Variants in VAV3 observed in about 807,000 individuals in gnomAD.
The protein encoded by VAV3 is guanine nucleotide exchange factor VAV3.
VAV3 carries 94 observed loss-of-function variants against 131.2 expected under a neutral mutation model. The ratio of observed to expected loss-of-function variants is 0.72; its 90% CI spans 0.61 to 0.85. The LOEUF (loss-of-function observed/expected upper bound fraction) is 0.85. Ranked by LOEUF, VAV3 falls within the 40% of genes least tolerant of loss-of-function variation. The probability of loss-of-function intolerance (pLI) is 0.00; values close to 1 mark genes in which losing one functional copy is unlikely to be tolerated. For missense variants in VAV3, 939 were observed against 1,002.7 expected (o/e 0.94, Z 0.86); for synonymous variants, 349 against 342.0 (o/e 1.02, Z -0.22).
At chr1:107,745,111 G>A (rs555936685) in intron 15 of VAV3, among the ~76,000 whole-genome samples, 5 of 152,096 alleles carry the variant, frequency 3.3e-5, no homozygotes, top group African/African-American at 9.6e-5. Flanking sequence ...GCATGATTAT[G>A]AAAACCAGTT....
At chr1:107,932,944 G>A (rs539482761) in intron 1 of VAV3, among the ~76,000 whole-genome samples, 1 of 152,328 alleles carries the variant, frequency 6.6e-6, no homozygotes, top group Admixed American at 6.5e-5. Context: ...TTGGCCTCCA[G>A]AGCTGTTAAA....
chr1:107,929,648 T>C (rs74491349), intron 1 of VAV3, among the ~76,000 whole-genome samples: 5,084 of 152,288 alleles, frequency 0.033, 118 homozygotes, highest in South Asian at 0.13. Flanking sequence ...CAATAAGATA[T>C]AAACAGAAAT....
At chr1:107,595,084 T>A (rs1462551048) in intron 25 of VAV3, among the ~76,000 whole-genome samples, 2 of 152,122 alleles carry the variant, frequency 1.3e-5, no homozygotes, top group Non-Finnish European at 2.9e-5. Flanking sequence ...TATTTGAGAA[T>A]CTAAAATAAT....
intron 17 of VAV3, among the ~76,000 whole-genome samples, chr1:107,700,359 T>C (rs563240926): frequency 1.3e-5 from 2 of 152,328 alleles, no homozygotes; most frequent in African/African-American, 4.8e-5. Flanking sequence ...GTTACATAGG[T>C]AAACGCGTGC....
At chr1:107,640,505 AC>A (rs1239524306) in intron 20 of VAV3, among the ~76,000 whole-genome samples, 5 of 152,202 alleles carry the variant, frequency 3.3e-5, no homozygotes, top group Admixed American at 3.3e-4. Flanking sequence ...TGGAGGGATT[AC>A]CAAGGGGCAC....
chr1:107,857,716 A>AG (rs1392216403), intron 2 of VAV3, among the ~76,000 whole-genome samples: 4 of 152,128 alleles, frequency 2.6e-5, no homozygotes, highest in South Asian at 2.1e-4. Context: ...GCAGAATGAA[A>AG]GGGGGGGAAG....
intron 24 of VAV3, among the ~76,000 whole-genome samples, chr1:107,599,066 T>C (rs934568673): frequency 2.1e-4 from 32 of 152,140 alleles, no homozygotes; most frequent in African/African-American, 7.2e-4. Context: ...TGAAAAATGA[T>C]TTGGTGATTA....
At chr1:107,753,517 T>TATATACACACATAG (rs1663890552) in intron 12 of VAV3, among the ~76,000 whole-genome samples, 1 of 21,974 alleles carries the variant, frequency 4.6e-5, no homozygotes, top group Non-Finnish European at 1.2e-4. Context: ...TACACACATA[T>TATATACACACATAG]ATATATATAC....
chr1:107,711,602 T>A (rs1011825937), intron 15 of VAV3, among the ~76,000 whole-genome samples: 1 of 152,226 alleles, frequency 6.6e-6, no homozygotes, highest in Non-Finnish European at 1.5e-5. Flanking sequence ...AACTAGTTTC[T>A]GCATGAAAAT....
chr1:107,919,901 G>T (rs866369531), intron 1 of VAV3, among the ~76,000 whole-genome samples: 3 of 151,270 alleles, frequency 2.0e-5, no homozygotes, highest in African/African-American at 4.8e-5. Context: ...CTTAATAAAG[G>T]TAACTTAAAA....
At chr1:107,590,566 G>A (rs1339698405) in intron 25 of VAV3, among the ~76,000 whole-genome samples, 2 of 152,156 alleles carry the variant, frequency 1.3e-5, no homozygotes, top group Admixed American at 1.3e-4. Context: ...AGTGCCAGCT[G>A]CATCCTGAAC....
chr1:107,605,270 A>C (rs1314916178), intron 22 of VAV3, among the ~76,000 whole-genome samples: 1 of 152,228 alleles, frequency 6.6e-6, no homozygotes, highest in Non-Finnish European at 1.5e-5. Flanking sequence ...TAGAATCCTT[A>C]AAAAGTGATT....
chr1:107,901,481 T>G (rs72983443), intron 1 of VAV3, among the ~76,000 whole-genome samples: 5,274 of 152,306 alleles, frequency 0.035, 229 homozygotes, highest in African/African-American at 0.097. Flanking sequence ...ATTCAGCAGA[T>G]GCAGTGGTTA....
At chr1:107,598,227 G>A (rs1180984083) in intron 24 of VAV3, among the ~76,000 whole-genome samples, 2 of 152,038 alleles carry the variant, frequency 1.3e-5, no homozygotes, top group African/African-American at 4.8e-5. Flanking sequence ...GTGGTGGCAG[G>A]TGCCTGTGAT....
chr1:107,954,497 G>C (rs1472616089), intron 1 of VAV3, among the ~76,000 whole-genome samples: 1 of 150,590 alleles, frequency 6.6e-6, no homozygotes, highest in East Asian at 1.9e-4. Context: ...TGTGATAAAT[G>C]TGTATGAAAT....
intron 25 of VAV3, among the ~76,000 whole-genome samples, chr1:107,576,929 T>A (rs1649696008): frequency 1.3e-5 from 2 of 151,996 alleles, no homozygotes; most frequent in Non-Finnish European, 2.9e-5. Flanking sequence ...ACCACCTCCA[T>A]CCTCCCAGCC....
chr1:107,631,050 G>T (rs1289349444), intron 20 of VAV3, among the ~76,000 whole-genome samples: 1 of 151,914 alleles, frequency 6.6e-6, no homozygotes, highest in African/African-American at 2.4e-5. Context: ...TATCAAGTTC[G>T]GTACAAAGAC....
chr1:107,842,645 C>CT (rs901777244), intron 2 of VAV3, among the ~76,000 whole-genome samples: 10 of 151,922 alleles, frequency 6.6e-5, no homozygotes, highest in Non-Finnish European at 1.5e-4. Flanking sequence ...TTTCATTCTT[C>CT]TTTTTTTTAA....
chr1:107,943,911 C>T (rs76071182), intron 1 of VAV3, among the ~76,000 whole-genome samples: 4,985 of 152,290 alleles, frequency 0.033, 201 homozygotes, highest in African/African-American at 0.09. Context: ...GCTGTGCCCA[C>T]AAAACCCAAA....
Sources: allele counts gnomAD v4.1 joint callset (sites outside exome capture counted in the v4.1 genomes callset), GRCh38; gene constraint gnomAD v4.1.1; transcripts MANE v1.5; gene names NCBI Gene and HGNC (gene_info 2026-07-23, HGNC 2026-07-21).